GFRA2: variants seen among roughly 807,000 people sequenced by gnomAD.
GFRA2 encodes the protein GDNF family receptor alpha 2.
In GFRA2, 17 loss-of-function variants were observed where a neutral mutation model predicts 48.3. The ratio of observed to expected loss-of-function variants is 0.35; its 90% CI spans 0.24 to 0.53. The LOEUF is 0.53. Among genes scored for constraint, GFRA2 ranks in the 20% least tolerant of loss-of-function variants. GFRA2 has a pLI of 0.93. For missense variants in GFRA2, 660 were observed against 637.3 expected (o/e 1.04, Z -0.38); for synonymous variants, 305 against 257.2 (o/e 1.19, Z -1.78).
At chr8:21,695,198 T>A (rs12677629) in intron 7 of GFRA2, among the ~76,000 whole-genome samples, 52,773 of 152,016 alleles carry the variant, frequency 0.35, 9,552 homozygotes, top group Middle Eastern at 0.44. Flanking sequence ...ATTCCAAGAT[T>A]GTCTACCCTG....
chr8:21,750,061 A>G lies in GFRA2; in HGVS notation c.794+527T>C, dbSNP rs940899343. 7.0e-6 allele frequency among the ~76,000 whole-genome samples: 1 copy of G among 142,704 alleles called. No homozygotes were observed. Among genetic ancestry groups the G allele is most frequent in the Non-Finnish European group, 1.6e-5 (1 of 64,230 alleles). 93.6% of individuals were successfully genotyped at this position (142,704 alleles called of 152,430 possible). On this transcript the variant is annotated intron_variant, in intron 4 of 8. Coordinates refer to ENST00000524240, the MANE Select transcript of GFRA2 (RefSeq NM_001495.5). The surrounding 1 kb of genome is among the most constrained non-coding windows in gnomAD (Gnocchi z 5.7). ...CTATATAATATATGTAAGTATATAT[A>G]TGTGTATATATGTGTGTGTGTGTGT...
upstream of GFRA2, among the ~76,000 whole-genome samples, chr8:21,792,229 G>A (rs992490291): frequency 6.6e-6 from 1 of 152,352 alleles, no homozygotes; most frequent in South Asian, 2.1e-4. Context: ...CCCAACACAC[G>A]CACACATGCG....
chr8:21,772,231 C>T (rs1276313647), intron 3 of GFRA2, among the ~76,000 whole-genome samples: 2 of 152,138 alleles, frequency 1.3e-5, no homozygotes, highest in African/African-American at 2.4e-5. Flanking sequence ...GCATTGGAAC[C>T]GCCTCCCAGC....
chr8:21,707,265 C>T (rs1441866520), intron 4 of GFRA2, among the ~76,000 whole-genome samples: 1 of 152,196 alleles, frequency 6.6e-6, no homozygotes, highest in Non-Finnish European at 1.5e-5. Context: ...CATATAGCAC[C>T]TCATGAAGCC....
At chr8:21,718,868 T>C (rs1418826805) in intron 4 of GFRA2, among the ~76,000 whole-genome samples, 1 of 152,160 alleles carries the variant, frequency 6.6e-6, no homozygotes, top group Non-Finnish European at 1.5e-5. Context: ...TTTTCTGGTT[T>C]TTCCCTTCTG....
intron 1 of GFRA2, among the ~76,000 whole-genome samples, chr8:21,806,734 T>C (rs1004666575): frequency 6.6e-6 from 1 of 152,246 alleles, no homozygotes; most frequent in African/African-American, 2.4e-5. Flanking sequence ...CCCAAAGCAC[T>C]GGGATTACAG....
chr8:21,736,079 G>C (rs549589494), intron 4 of GFRA2, among the ~76,000 whole-genome samples: 1 of 152,278 alleles, frequency 6.6e-6, no homozygotes, highest in Admixed American at 6.5e-5. Context: ...GGGGATCCAA[G>C]AGCTCTCTGA....
rs1805999590 is a variant in GFRA2 at position 21,763,335 on chromosome 8, T to G, written c.439+11637A>C. ...TGGGGGCCTCCTTTCTCCTCATCAT[T>G]TCTGCCCCATCTGTCCTCCTGGGAA... On this transcript the variant is annotated intron_variant, in intron 3 of 8. Coordinates refer to ENST00000524240, the MANE Select transcript of GFRA2 (RefSeq NM_001495.5). Among the ~76,000 whole-genome samples the G allele has an allele frequency of 1.3e-5, 2 of 152,118 alleles. 1 individual carries two copies. Among genetic ancestry groups the G allele is most frequent in the South Asian group, 4.1e-4 (2 of 4,824 alleles).
chr8:21,788,673 G>A lies in GFRA2; in HGVS notation c.-514C>T, dbSNP rs1024896224. On this transcript the variant is annotated 5_prime_UTR_variant, in exon 1 of 9. Coordinates refer to ENST00000524240, the MANE Select transcript of GFRA2 (RefSeq NM_001495.5). ...AAGAACAATCCAGTCGGAGCTTCGA[G>A]GACGAGAGACTGGAGTCGCTTCTTT... The A allele has an allele frequency of 1.2e-4, 122 of 986,020 alleles. No homozygotes were observed. Among genetic ancestry groups the A allele is most frequent in the Non-Finnish European group, 1.4e-4 (120 of 830,458 alleles). The allele number at this position is 986,020 out of a possible 1,614,324, so 61.1% of individuals were successfully genotyped here.
intron 4 of GFRA2, among the ~76,000 whole-genome samples, chr8:21,747,758 A>C (rs1461586915): frequency 5.9e-5 from 1 of 16,844 alleles, no homozygotes; most frequent in Non-Finnish European, 1.8e-4. Context: ...ATCTTCCACC[A>C]CACACACACA....
intron 4 of GFRA2, among the ~76,000 whole-genome samples, chr8:21,717,863 A>G (rs933712680): frequency 1.3e-5 from 2 of 152,118 alleles, no homozygotes; most frequent in African/African-American, 2.4e-5. Context: ...GAAATCTTTG[A>G]TCTCCTCCCA....
At chr8:21,802,754 T>C (rs979038997) in intron 2 of GFRA2, among the ~76,000 whole-genome samples, 22 of 152,110 alleles carry the variant, frequency 1.4e-4, no homozygotes, top group Non-Finnish European at 2.4e-4. Flanking sequence ...GCTATGGTGG[T>C]AGAATTATGG....
chr8:21,695,542 G>C (rs1239919745), intron 7 of GFRA2, among the ~76,000 whole-genome samples: 1 of 152,284 alleles, frequency 6.6e-6, no homozygotes, highest in East Asian at 1.9e-4. Flanking sequence ...ACTGCCAATG[G>C]TGGAGATAGG....
At chr8:21,734,809 A>G (rs1297972474) in intron 4 of GFRA2, among the ~76,000 whole-genome samples, 1 of 152,110 alleles carries the variant, frequency 6.6e-6, no homozygotes, top group Non-Finnish European at 1.5e-5. Context: ...GATCTTTTAT[A>G]TCTCCTCTGT....
intron 4 of GFRA2, among the ~76,000 whole-genome samples, chr8:21,738,513 T>C (rs2117536171): frequency 6.6e-6 from 1 of 151,994 alleles, no homozygotes; most frequent in East Asian, 2.0e-4. Context: ...TCTAAAACAC[T>C]AGTTGAATCA....
chr8:21,799,852 A>G (rs1807741524), intron 2 of GFRA2, among the ~76,000 whole-genome samples: 1 of 152,220 alleles, frequency 6.6e-6, no homozygotes, highest in African/African-American at 2.4e-5. Flanking sequence ...TCCTCTGCAG[A>G]CAAACCAAGC....
At chr8:21,715,173 A>G (rs1231300691) in intron 4 of GFRA2, among the ~76,000 whole-genome samples, 1 of 152,208 alleles carries the variant, frequency 6.6e-6, no homozygotes, top group Non-Finnish European at 1.5e-5. Context: ...TCAAGGACCA[A>G]CTTGGCTCCC....
At chr8:21,804,083 C>G (rs1184975493) in intron 2 of GFRA2, among the ~76,000 whole-genome samples, 5 of 152,084 alleles carry the variant, frequency 3.3e-5, no homozygotes, top group Admixed American at 2.0e-4. Context: ...CATAACATAT[C>G]AGAGCAGGAA....
chr8:21,704,443 A>G (rs1802639673), intron 6 of GFRA2, among the ~76,000 whole-genome samples: 1 of 152,152 alleles, frequency 6.6e-6, no homozygotes, highest in South Asian at 2.1e-4. Context: ...ACAGAGAGGG[A>G]GGAACAGAAG....
Sources: allele counts gnomAD v4.1 joint callset (sites outside exome capture counted in the v4.1 genomes callset), GRCh38; gene constraint gnomAD v4.1.1; non-coding constraint Gnocchi (gnomAD v3.1); transcripts MANE v1.5; gene names NCBI Gene and HGNC (gene_info 2026-07-23, HGNC 2026-07-21).